Variants in MEIS2 observed in about 807,000 individuals in gnomAD.
MEIS2 encodes homeobox protein Meis2.
MEIS2 carries 9 observed loss-of-function variants against 58.6 expected under a neutral mutation model. That is an observed-to-expected ratio of 0.15 (90% CI 0.09 to 0.27). The LOEUF (loss-of-function observed/expected upper bound fraction) is 0.27, where lower values mean the gene tolerates loss of function less well. MEIS2 is among the 10% of genes least tolerant of loss of function. MEIS2 has a pLI of 1.00. For synonymous variants in MEIS2, 221 were observed against 228.4 expected, an observed-to-expected ratio of 0.97 and a Z score of 0.29; for missense variants, 427 against 635.0, an observed-to-expected ratio of 0.67 and a Z score of 3.52.
At chr15:37,078,267 A>G (rs564208767) in intron 7 of MEIS2, among the ~76,000 whole-genome samples, 15 of 152,128 alleles carry the variant, frequency 9.9e-5, no homozygotes, top group East Asian at 3.9e-4. Context: ...ATAGAGTAAC[A>G]CTGGCCGTGA....
intron 9 of MEIS2, among the ~76,000 whole-genome samples, chr15:36,919,329 A>C (rs2057401283): frequency 6.6e-6 from 1 of 152,212 alleles, no homozygotes. Flanking sequence ...CTGTAACCCC[A>C]GCACTTTGGG....
At position 36,956,188 on chromosome 15, in the gene MEIS2, C is replaced by CA. The variant is rs372946912; in HGVS notation, c.901-5789dup. ...TGGGCGACAGAGCAAAACTCCATCT[C>CA]AAAAAAAAAAAAAAAAAAAAAAGAG... On this transcript the variant is annotated intron_variant, in intron 8 of 11. Transcript: ENST00000561208. Among the ~76,000 whole-genome samples the CA allele has an allele frequency of 4.8e-3, 269 of 56,468 alleles. 3 individuals are homozygous for CA. Among genetic ancestry groups the CA allele is most frequent in the East Asian group, 7.7e-3 (12 of 1,564 alleles). The allele number at this position is 56,468 out of a possible 152,430, so 37.0% of individuals were successfully genotyped here.
chr15:37,004,736 A>G (rs2060856034), intron 8 of MEIS2, among the ~76,000 whole-genome samples: 1 of 152,202 alleles, frequency 6.6e-6, no homozygotes, highest in African/African-American at 2.4e-5. Context: ...GCATAACACT[A>G]AGATCATGCC....
intron 6 of MEIS2, among the ~76,000 whole-genome samples, chr15:37,092,464 C>G (rs1893642321): frequency 6.6e-6 from 1 of 151,998 alleles, no homozygotes; most frequent in Non-Finnish European, 1.5e-5. Flanking sequence ...CACGGAGTGT[C>G]AAATTAATAT....
intron 1 of MEIS2, chr15:37,098,958 A>C: frequency 2.0e-6 from 2 of 985,408 alleles, no homozygotes; most frequent in Non-Finnish European, 2.4e-6. Flanking sequence ...GAGACAAAAC[A>C]AGCAGCCCAG....
chr15:37,066,984 T>C (rs1890023527), intron 7 of MEIS2, among the ~76,000 whole-genome samples: 1 of 152,026 alleles, frequency 6.6e-6, no homozygotes, highest in Non-Finnish European at 1.5e-5. Flanking sequence ...TCTTGCTTTG[T>C]TGCCCAGCCT....
intron 10 of MEIS2, among the ~76,000 whole-genome samples, chr15:36,895,895 A>T (rs1233342056): frequency 6.6e-6 from 1 of 152,248 alleles, no homozygotes; most frequent in African/African-American, 2.4e-5. Context: ...CATCAAGTTT[A>T]ACACCGTTGT....
chr15:36,948,795 T>C (rs758002656), intron 9 of MEIS2, among the ~76,000 whole-genome samples: 1 of 151,988 alleles, frequency 6.6e-6, no homozygotes, highest in Non-Finnish European at 1.5e-5. Flanking sequence ...ATTTACACTA[T>C]GAAGCGCCTA....
intron 8 of MEIS2, among the ~76,000 whole-genome samples, chr15:36,977,051 G>C (rs2059783117): frequency 6.6e-6 from 1 of 152,122 alleles, no homozygotes; most frequent in Non-Finnish European, 1.5e-5. Flanking sequence ...GTTTGAACCT[G>C]GGAGGTGGAG....
chr15:37,013,586 A>T (rs955439816), intron 8 of MEIS2, among the ~76,000 whole-genome samples: 7 of 147,788 alleles, frequency 4.7e-5, no homozygotes, highest in Admixed American at 2.0e-4. Flanking sequence ...AAAAAAAATT[A>T]TATATATATA....
chr15:37,060,794 G>A (rs768360248), intron 7 of MEIS2, among the ~76,000 whole-genome samples: 24 of 152,072 alleles, frequency 1.6e-4, no homozygotes, highest in East Asian at 7.7e-4. Flanking sequence ...GCAGGGATTC[G>A]GTACAATTCT....
intron 7 of MEIS2, among the ~76,000 whole-genome samples, chr15:37,069,018 A>T (rs1890329934): frequency 2.0e-5 from 3 of 152,178 alleles, no homozygotes; most frequent in Non-Finnish European, 4.4e-5. Context: ...AAAAAGTCTG[A>T]CACATTATTT....
chr15:36,897,898 T>C (rs1420503065), intron 9 of MEIS2: 5 of 152,156 alleles, frequency 3.3e-5, no homozygotes, highest in Admixed American at 3.3e-4. Context: ...AAAAATTCAG[T>C]GTGTGCTGGC....
At chr15:36,987,564 G>A (rs947916899) in intron 8 of MEIS2, among the ~76,000 whole-genome samples, 5 of 152,186 alleles carry the variant, frequency 3.3e-5, no homozygotes. Context: ...AAGAAGAGCA[G>A]TGTCTTTCAT....
intron 8 of MEIS2, among the ~76,000 whole-genome samples, chr15:37,025,599 G>A (rs112675358): frequency 1.3e-5 from 2 of 151,728 alleles, no homozygotes; most frequent in African/African-American, 4.8e-5. Flanking sequence ...TCCAACCATA[G>A]AGTCATGAGA....
At chr15:37,043,067 C>T (rs538437999) in intron 7 of MEIS2, among the ~76,000 whole-genome samples, 2 of 152,286 alleles carry the variant, frequency 1.3e-5, no homozygotes, top group East Asian at 3.9e-4. Context: ...AAACAAACAC[C>T]TAAAACTGAC....
rs1000121330 is a variant in MEIS2, at chr15:36,891,225, C to A, written c.*948G>T. 2.0e-5 allele frequency: 3 copies of A among 152,290 alleles called. No homozygotes were observed. Among genetic ancestry groups the A allele is most frequent in the African/African-American group, 7.3e-5 (3 of 41,266 alleles). The allele number at this position is 152,290 out of a possible 1,614,324, so 9.4% of individuals were successfully genotyped here. On this transcript the variant is annotated 3_prime_UTR_variant, in exon 12 of 12. Transcript: ENST00000561208. Reference sequence around the variant, plus strand: ...ATACAATACCAATTCCACAGCAGATCTGATACTAGCAAAAACATTCTTTTT... The same window carrying A: ...ATACAATACCAATTCCACAGCAGATATGATACTAGCAAAAACATTCTTTTT...
In MEIS2 at chr15:37,005,801, C is replaced by T. The variant is rs146513481; in HGVS notation, c.900+31013G>A. ...CTCAAACTTCTGAGCTCAAGTCATCCGCCCTCCTTGGCTTCCCAAAGTCCT... is the reference window on the plus strand; with the variant it reads ...CTCAAACTTCTGAGCTCAAGTCATCTGCCCTCCTTGGCTTCCCAAAGTCCT... On this transcript the variant is annotated intron_variant, in intron 8 of 11. Coordinates refer to ENST00000561208, the MANE Select transcript of MEIS2 (RefSeq NM_170675.5). Among the ~76,000 whole-genome samples the T allele has an allele frequency of 7.3e-4, 111 of 152,282 alleles. 2 individuals carry two copies. Among genetic ancestry groups the T allele is most frequent in the African/African-American group, 2.3e-3 (97 of 41,554 alleles).
At chr15:37,029,760 G>T (rs1490255737) in intron 8 of MEIS2, among the ~76,000 whole-genome samples, 1 of 152,160 alleles carries the variant, frequency 6.6e-6, no homozygotes, top group African/African-American at 2.4e-5. Flanking sequence ...GCTAAATAGG[G>T]CAGATAACTT....
Sources: allele counts gnomAD v4.1 joint callset (sites outside exome capture counted in the v4.1 genomes callset), GRCh38; gene constraint gnomAD v4.1.1; transcripts MANE v1.5; gene names NCBI Gene and HGNC (gene_info 2026-07-23, HGNC 2026-07-21).